Variants in NRXN3 observed in about 807,000 individuals in gnomAD.
NRXN3 encodes neurexin 3.
A neutral mutation model predicts 137.6 loss-of-function variants in NRXN3; 32 were observed. The observed-to-expected ratio is 0.23, with a 90% CI of 0.18 to 0.31. The LOEUF (loss-of-function observed/expected upper bound fraction) is 0.31, where lower values mean the gene tolerates loss of function less well. Ranked by LOEUF, NRXN3 falls within the 10% of genes least tolerant of loss-of-function variation. The pLI is 1.00. For missense variants in NRXN3, 1,574 were observed against 2,062.5 expected (o/e 0.76, Z 4.59); for synonymous variants, 798 against 784.5 (o/e 1.02, Z -0.29).
intron 15 of NRXN3, among the ~76,000 whole-genome samples, chr14:79,453,582 G>T (rs1348970357): frequency 2.0e-5 from 3 of 152,164 alleles, no homozygotes; most frequent in Non-Finnish European, 4.4e-5. Context: ...AAATCTGAGT[G>T]CATTCTATGA....
chr14:79,166,917 G>A (rs1013600748), intron 15 of NRXN3, among the ~76,000 whole-genome samples: 1 of 151,916 alleles, frequency 6.6e-6, no homozygotes, highest in African/African-American at 2.4e-5. Flanking sequence ...CACAGTAGGT[G>A]CTCAGAAAAC....
rs58492725 is a variant in NRXN3 at position 79,819,482 on chromosome 14, C to CTTTTTTTTTTTT, written c.4093+14301_4093+14312dup. Among the ~76,000 whole-genome samples, 243 of 71,910 alleles carry CTTTTTTTTTTTT rather than the reference C, an allele frequency of 3.4e-3. 36 individuals carry two copies. The highest frequency in any genetic ancestry group is 9.6e-3 in the African/African-American group (150 of 15,630). The allele number at this position is 71,910 out of a possible 152,430, so 47.2% of individuals were successfully genotyped here. A position where few individuals can be genotyped will look rare whatever the true frequency, so the allele number is the denominator to read the frequency against. ...ATAGGATACAACAGGACATTAAAAG[C>CTTTTTTTTTTTT]TTTTTTTTTTTTTTTTTTTTGAGAC... On this transcript the variant is annotated intron_variant, in intron 20 of 20. Coordinates refer to ENST00000335750, the MANE Select transcript of NRXN3 (RefSeq NM_001330195.2).
intron 1 of NRXN3, among the ~76,000 whole-genome samples, chr14:78,191,407 G>T (rs2060715501): frequency 6.6e-6 from 1 of 152,152 alleles, no homozygotes; most frequent in Non-Finnish European, 1.5e-5. Flanking sequence ...GCCTGTATTT[G>T]TGACTGTGAT....
intron 4 of NRXN3, among the ~76,000 whole-genome samples, chr14:78,447,069 C>G (rs2094439126): frequency 6.6e-6 from 1 of 152,198 alleles, no homozygotes; most frequent in Non-Finnish European, 1.5e-5. Context: ...TCTCCATAGC[C>G]TGCGAGATGA....
intron 1 of NRXN3, among the ~76,000 whole-genome samples, chr14:78,235,026 GTA>G (rs377371263): frequency 6.9e-5 from 6 of 87,308 alleles, no homozygotes; most frequent in East Asian, 3.0e-4. Flanking sequence ...ATATATATGT[GTA>G]TATATATATG....
At chr14:78,197,960 A>T (rs1427348010) in intron 1 of NRXN3, among the ~76,000 whole-genome samples, 2 of 152,160 alleles carry the variant, frequency 1.3e-5, no homozygotes, top group South Asian at 2.1e-4. Flanking sequence ...ATGGTTCCCT[A>T]CCCAGAGGCA....
chr14:78,314,919 CTTTCTTTCTTTCTTTCTTT>C (rs2078437796), intron 4 of NRXN3, among the ~76,000 whole-genome samples: 7 of 115,280 alleles, frequency 6.1e-5, no homozygotes, highest in African/African-American at 2.5e-4. Context: ...TTCTTTCTTT[CTTTCTTTCTTTCTTTCTTT>C]CTTTCTTCCT....
At chr14:79,173,918 G>C (rs183050782) in intron 15 of NRXN3, among the ~76,000 whole-genome samples, 37 of 152,234 alleles carry the variant, frequency 2.4e-4, no homozygotes, top group Non-Finnish European at 1.2e-4. Context: ...GTATATGTGG[G>C]CTAAGTTTGT....
intron 4 of NRXN3, among the ~76,000 whole-genome samples, chr14:78,532,719 G>A (rs998438423): frequency 6.6e-6 from 1 of 151,174 alleles, no homozygotes; most frequent in African/African-American, 2.4e-5. Flanking sequence ...TCCCATCTTT[G>A]TTTATCTTCG....
chr14:79,222,621 G>C (rs139678582), intron 15 of NRXN3, among the ~76,000 whole-genome samples: 1 of 152,080 alleles, frequency 6.6e-6, no homozygotes, highest in African/African-American at 2.4e-5. Context: ...CAGTGTGGCT[G>C]TACCATTTTG....
chr14:78,535,814 A>T lies in NRXN3; in HGVS notation c.758-109306A>T, dbSNP rs539456253. Among the ~76,000 whole-genome samples the T allele has an allele frequency of 1.5e-3, 221 of 152,336 alleles. 4 individuals are homozygous for T. Among genetic ancestry groups the T allele is most frequent in the Non-Finnish European group, 9.8e-4 (67 of 68,028 alleles). On this transcript the variant is annotated intron_variant, in intron 4 of 20. Coordinates refer to ENST00000335750, the MANE Select transcript of NRXN3 (RefSeq NM_001330195.2). ...TGCTTAATATAGAACAGTTCTGAGA[A>T]TTAGGTAAGAAAATGTCTATGTAAG...
At chr14:78,736,057 A>G (rs1313046605) in intron 8 of NRXN3, among the ~76,000 whole-genome samples, 1 of 152,172 alleles carries the variant, frequency 6.6e-6, no homozygotes, top group Admixed American at 6.6e-5. Context: ...CCCATGGAGC[A>G]AACTAAGGTG....
At chr14:79,525,035 A>G (rs2097105598) in intron 16 of NRXN3, among the ~76,000 whole-genome samples, 1 of 152,190 alleles carries the variant, frequency 6.6e-6, no homozygotes, top group Non-Finnish European at 1.5e-5. Context: ...GTAGTCAGGC[A>G]GTTTCTGCGT....
At chr14:79,358,597 A>AAGAAAGAAAGAAAG (rs1566901845) in intron 15 of NRXN3, among the ~76,000 whole-genome samples, 2 of 81,792 alleles carry the variant, frequency 2.4e-5, no homozygotes, top group Non-Finnish European at 5.3e-5. Flanking sequence ...GAAAGAAAGA[A>AAGAAAGAAAGAAAG]AGAAAGAAAG....
intron 6 of NRXN3, among the ~76,000 whole-genome samples, chr14:78,667,332 A>G (rs2097895468): frequency 6.6e-6 from 1 of 152,204 alleles, no homozygotes; most frequent in Non-Finnish European, 1.5e-5. Flanking sequence ...TGAGGATCAA[A>G]TGAGATGATG....
chr14:79,258,765 C>T (rs973036049), intron 15 of NRXN3, among the ~76,000 whole-genome samples: 2 of 152,160 alleles, frequency 1.3e-5, no homozygotes, highest in Non-Finnish European at 2.9e-5. Context: ...TCATTATGCT[C>T]AATTCCTCCT....
At chr14:78,819,398 A>G (rs530072321) in intron 10 of NRXN3, among the ~76,000 whole-genome samples, 15 of 152,346 alleles carry the variant, frequency 9.8e-5, no homozygotes, top group Non-Finnish European at 1.5e-4. Flanking sequence ...AAAAATACAT[A>G]TAACAGCTAT....
chr14:78,933,174 G>A (rs1216487312), intron 10 of NRXN3, among the ~76,000 whole-genome samples: 1 of 152,210 alleles, frequency 6.6e-6, no homozygotes, highest in Non-Finnish European at 1.5e-5. Context: ...CTGAGGGCAG[G>A]AGCAATGTCA....
chr14:79,708,702 T>C (rs1363342941), intron 19 of NRXN3, among the ~76,000 whole-genome samples: 1 of 152,154 alleles, frequency 6.6e-6, no homozygotes, highest in Non-Finnish European at 1.5e-5. Flanking sequence ...CTGAGGCTGT[T>C]ATGACAGCCT....
Sources: allele counts gnomAD v4.1 joint callset (sites outside exome capture counted in the v4.1 genomes callset), GRCh38; gene constraint gnomAD v4.1.1; transcripts MANE v1.5; gene names NCBI Gene and HGNC (gene_info 2026-07-23, HGNC 2026-07-21).